The following TP73 variants were observed in gnomAD, a reference collection of about 807,000 sequenced individuals.
TP73 encodes p53-like transcription factor.
Under a neutral mutation model 62.5 loss-of-function variants are expected in TP73, and 25 were observed. The observed-to-expected ratio is 0.40, with a 90% CI of 0.29 to 0.56. The LOEUF is 0.56. Ranked by LOEUF, TP73 falls within the 20% of genes least tolerant of loss-of-function variation. The probability of loss-of-function intolerance (pLI) is 0.46; values close to 1 mark genes in which losing one functional copy is unlikely to be tolerated. For missense variants in TP73, 754 were observed against 913.3 expected, an observed-to-expected ratio of 0.83 and a Z score of 2.25; for synonymous variants, 423 against 377.5, an observed-to-expected ratio of 1.12 and a Z score of -1.40.
intron 3 of TP73, chr1:3,697,930 A>C (rs1462109485): frequency 4.6e-6 from 1 of 217,314 alleles, no homozygotes; most frequent in Non-Finnish European, 7.8e-6. Flanking sequence ...TCCGCTTATC[A>C]CCGAGGGCCA....
chr1:3,732,688 AC>A (rs547706904), intron 13 of TP73, 58 bp from the exon 14 acceptor site: 36 of 1,465,132 alleles, frequency 2.5e-5, no homozygotes, highest in African/African-American at 7.1e-5. Context: ...GCCCAGGGCG[AC>A]CCCCCCTGCT....
At chr1:3,692,728 A>T (rs1357056240) in intron 3 of TP73, among the ~76,000 whole-genome samples, 1 of 150,772 alleles carries the variant, frequency 6.6e-6, no homozygotes, top group Non-Finnish European at 1.5e-5. Context: ...GACCTGGGGG[A>T]CTCTAGTACA....
At chr1:3,728,992 A>AAGAGAGAG (rs3034587) in intron 9 of TP73, among the ~76,000 whole-genome samples, 85 of 150,826 alleles carry the variant, frequency 5.6e-4, no homozygotes, top group South Asian at 1.0e-3. Flanking sequence ...TGTCGAAAGA[A>AAGAGAGAG]AGAGAGAGAG....
At chr1:3,722,255 C>T in intron 5 of TP73, 48 bp downstream of exon 5, 9 of 1,604,450 alleles carry the variant, frequency 5.6e-6, no homozygotes, top group Non-Finnish European at 7.7e-6. Context: ...TGCCCAGCAT[C>T]CCGGACAGCA....
intron 1 of TP73, among the ~76,000 whole-genome samples, chr1:3,667,943 A>C (rs1557489867): frequency 6.6e-6 from 1 of 152,130 alleles, no homozygotes; most frequent in Non-Finnish European, 1.5e-5. Flanking sequence ...GTGTCCCCCC[A>C]GGGCTCATGG....
chr1:3,686,915 C>T (rs1645672119), intron 3 of TP73, among the ~76,000 whole-genome samples: 1 of 152,104 alleles, frequency 6.6e-6, no homozygotes, highest in South Asian at 2.1e-4. Flanking sequence ...TGAGGATGTC[C>T]AGTGGTGCCG....
chr1:3,684,402 C>T (rs900039046), intron 3 of TP73, among the ~76,000 whole-genome samples: 4 of 152,178 alleles, frequency 2.6e-5, no homozygotes, highest in Non-Finnish European at 4.4e-5. Context: ...CTGAGAGCAC[C>T]CGGCCTGGCC....
chr1:3,700,789 A>C (rs1639095725), intron 3 of TP73, among the ~76,000 whole-genome samples: 1 of 152,228 alleles, frequency 6.6e-6, no homozygotes, highest in African/African-American at 2.4e-5. Context: ...TCAAAAAAAA[A>C]AAAAGTCACT....
rs1641135862 is a variant in TP73 at position 3,722,301 on chromosome 1, T to C, written c.616+94T>C. ...CTGCCTAACTGGGAGAGAGTGGGGC[T>C]GACAGCATGGGCTTAGCCATTCCCC... On this transcript the variant is annotated intron_variant, in intron 5 of 13. Transcript: ENST00000378295. 2.7e-6 allele frequency: 4 copies of C among 1,456,062 alleles called. No individual in the cohort carries two copies. In the African/African-American group the frequency reaches 4.3e-5, roughly 15 times the overall value. The allele number at this position is 1,456,062 out of a possible 1,614,324, so 90.2% of individuals were successfully genotyped here.
At chr1:3,693,375 G>A (rs1455734172) in intron 3 of TP73, among the ~76,000 whole-genome samples, 2 of 152,262 alleles carry the variant, frequency 1.3e-5, no homozygotes, top group East Asian at 1.9e-4. Context: ...TCCGGAGCCC[G>A]CTGGGCCAGC....
In TP73 at chr1:3,732,795, C is replaced by T. The variant is rs769290913; in HGVS notation, c.1627C>T (p.Arg543Trp). The T allele has an allele frequency of 1.2e-5, 20 of 1,604,142 alleles. No individual in the cohort carries two copies. Among genetic ancestry groups the T allele is most frequent in the South Asian group, 2.2e-5 (2 of 90,510 alleles). ...CGAGCAGTACCGCATGACCATCTGG[C>T]GGGGCCTGCAGGACCTGAAGCAGGG... ...IPEQYRMTIWRGLQDLKQGHD... is the reference protein window; with the variant it reads ...IPEQYRMTIWWGLQDLKQGHD... The change falls in exon 14 of 14, where the codon CGG becomes TGG. Residue 543 changes from arginine to tryptophan, a missense_variant. Transcript: ENST00000378295.
At chr1:3,705,421 G>T (rs1456803636) in intron 3 of TP73, among the ~76,000 whole-genome samples, 2 of 152,260 alleles carry the variant, frequency 1.3e-5, no homozygotes, top group African/African-American at 4.8e-5. Flanking sequence ...GAGGTGGGCA[G>T]GGCCCGTGCT....
intron 1 of TP73, among the ~76,000 whole-genome samples, chr1:3,664,256 G>C (rs1402100397): frequency 6.6e-6 from 1 of 152,188 alleles, no homozygotes; most frequent in Non-Finnish European, 1.5e-5. Context: ...TACCAGAGGC[G>C]CTGCATTGGA....
intron 3 of TP73, chr1:3,690,733 C>T (rs541737792): frequency 2.4e-4 from 343 of 1,439,010 alleles, no homozygotes; most frequent in African/African-American, 6.7e-4. Flanking sequence ...ACAAACGGCC[C>T]GCATGTTCCC....
At chr1:3,695,313 C>G (rs538681135) in intron 3 of TP73, among the ~76,000 whole-genome samples, 1 of 152,378 alleles carries the variant, frequency 6.6e-6, no homozygotes, top group Non-Finnish European at 1.5e-5. Flanking sequence ...TTGCCCCCCA[C>G]TTCCTCCTGG....
Position 3,730,080 on chromosome 1 carries a change from C to T in TP73, c.1277C>T (p.Ser426Phe). The part of the protein sequence containing the change: ...KVHGGMNKLP[S>F]VNQLVGQPPP... ...CACGGGGGCATGAACAAGCTGCCCT[C>T]CGTCAACCAGCTGGTGGGCCAGCCT... is the stretch of plus-strand genomic sequence containing the variant. Residue 426 changes from serine (S) to phenylalanine (F), a missense_variant, in exon 11 of 14, where the codon TCC becomes TTC. Coordinates refer to ENST00000378295, the MANE Select transcript of TP73 (RefSeq NM_005427.4). 6.3e-7 allele frequency: 1 copy of T among 1,599,354 alleles called. No individual in the cohort carries two copies. Among genetic ancestry groups the T allele is most frequent in the Admixed American group, 1.7e-5 (1 of 58,268 alleles).
chr1:3,731,236 A>C (rs948426736), intron 12 of TP73, among the ~76,000 whole-genome samples, 171 bp downstream of exon 12: 1 of 152,116 alleles, frequency 6.6e-6, no homozygotes, highest in African/African-American at 2.4e-5. Flanking sequence ...ATGCTGGGGA[A>C]ATGGTCCACT....
intron 11 of TP73, among the ~76,000 whole-genome samples, chr1:3,730,698 G>A (rs1377898419): frequency 3.9e-5 from 6 of 152,174 alleles, no homozygotes; most frequent in Admixed American, 2.6e-4. Context: ...TTACAACCCA[G>A]TGCCCCGTAC....
chr1:3,708,701 G>A (rs370904775), intron 4 of TP73, among the ~76,000 whole-genome samples: 14 of 152,338 alleles, frequency 9.2e-5, no homozygotes, highest in African/African-American at 3.1e-4. Flanking sequence ...AGCCAGGAGT[G>A]GAGGGCACGC....
Sources: allele counts gnomAD v4.1 joint callset (sites outside exome capture counted in the v4.1 genomes callset), GRCh38; gene constraint gnomAD v4.1.1; transcripts MANE v1.5; gene names NCBI Gene and HGNC (gene_info 2026-07-23, HGNC 2026-07-21).